Variants in DYRK1A observed in about 807,000 individuals in gnomAD.
DYRK1A encodes the protein dual specificity tyrosine-phosphorylation-regulated kinase 1A.
In DYRK1A, 9 loss-of-function variants were observed where a neutral mutation model predicts 79.7. The ratio of observed to expected loss-of-function variants is 0.11; its 90% CI spans 0.07 to 0.20. DYRK1A has a LOEUF of 0.20. DYRK1A is among the 10% of genes least tolerant of loss of function. The pLI, the probability that DYRK1A is intolerant of heterozygous loss-of-function variation, is 1.00. For synonymous variants in DYRK1A, 349 were observed against 329.7 expected (o/e 1.06, Z -0.63); for missense variants, 622 against 956.0 (o/e 0.65, Z 4.61).
chr21:37,516,601 C>T lies in DYRK1A; in HGVS notation c.*4070C>T, dbSNP rs144946333. The T allele has an allele frequency of 6.6e-6, 1 of 152,244 alleles. No individual in the cohort carries two copies. The highest frequency in any genetic ancestry group is 1.5e-5 in the Non-Finnish European group (1 of 68,016). The allele number at this position is 152,244 out of a possible 1,614,324, so 9.4% of individuals were successfully genotyped here. ...ATGCCTACTGGGCTTTCACCCTGGA[C>T]CAGGAATTTTTGACGTATGCCTGTG... On this transcript the variant is annotated 3_prime_UTR_variant, in exon 12 of 12. Coordinates refer to ENST00000647188, the MANE Select transcript of DYRK1A (RefSeq NM_001347721.2).
chr21:37,482,361 C>T (rs1245110743), intron 5 of DYRK1A, among the ~76,000 whole-genome samples: 1 of 152,102 alleles, frequency 6.6e-6, no homozygotes, highest in East Asian at 1.9e-4. Flanking sequence ...TATTTTAAAG[C>T]TGGGCATCTG....
At position 37,416,956 on chromosome 21, in the gene DYRK1A, T is replaced by C. The variant is rs143563428; in HGVS notation, c.-76-3343T>C. Among the ~76,000 whole-genome samples, 707 of 152,310 alleles carry C rather than the reference T, an allele frequency of 4.6e-3. 4 individuals are homozygous for C. The highest frequency in any genetic ancestry group is 8.3e-3 in the Non-Finnish European group (563 of 68,028). On this transcript the variant is annotated intron_variant, in intron 1 of 11. Transcript: ENST00000647188. ...ACTTAACTAGTACTTTTGAAGCTCC[T>C]TGTATCATACTGATTTTTTTTCATC...
At chr21:37,485,602 A>T (rs2835766) in intron 5 of DYRK1A, among the ~76,000 whole-genome samples, 44,799 of 152,080 alleles carry the variant, frequency 0.29, 6,753 homozygotes, top group South Asian at 0.4. Context: ...TAGAAAATGT[A>T]TCTAAAAGAA....
chr21:37,460,026 A>T (rs940746455), intron 2 of DYRK1A, among the ~76,000 whole-genome samples: 35 of 152,178 alleles, frequency 2.3e-4, no homozygotes, highest in African/African-American at 7.7e-4. Flanking sequence ...ATTTGCTCAA[A>T]CTTAAACATG....
At chr21:37,440,288 A>T (rs1475645077) in intron 2 of DYRK1A, among the ~76,000 whole-genome samples, 2 of 151,122 alleles carry the variant, frequency 1.3e-5, no homozygotes, top group African/African-American at 4.9e-5. Flanking sequence ...GTTGTGTGCC[A>T]CTACGTCTGG....
At chr21:37,396,578 C>T (rs754082326) in intron 1 of DYRK1A, among the ~76,000 whole-genome samples, 5 of 151,148 alleles carry the variant, frequency 3.3e-5, no homozygotes, top group Non-Finnish European at 7.4e-5. Context: ...GAATCTAGTC[C>T]GTAGCGTAAT....
At chr21:37,366,513 C>T (rs1486482235), upstream of DYRK1A, among the ~76,000 whole-genome samples, 1 of 149,842 alleles carries the variant, frequency 6.7e-6, no homozygotes, top group Non-Finnish European at 1.5e-5. Context: ...GCCTAGCCGT[C>T]CCCCTCCTCT....
intron 1 of DYRK1A, among the ~76,000 whole-genome samples, chr21:37,368,299 A>G (rs886098439): frequency 3.9e-5 from 6 of 152,220 alleles, no homozygotes; most frequent in African/African-American, 1.4e-4. Context: ...GTGAATTAGA[A>G]TAGATACCTG....
intron 9 of DYRK1A, among the ~76,000 whole-genome samples, chr21:37,497,534 G>A (rs1380992438): frequency 2.0e-5 from 3 of 152,234 alleles, no homozygotes; most frequent in East Asian, 1.9e-4. Flanking sequence ...ATTTAAAGGC[G>A]TTCCTACCAG....
chr21:37,376,826 T>A (rs1320169315), intron 1 of DYRK1A, among the ~76,000 whole-genome samples: 1 of 152,120 alleles, frequency 6.6e-6, no homozygotes, highest in Non-Finnish European at 1.5e-5. Context: ...GTATATAGTT[T>A]AAAAAAACAA....
At chr21:37,484,103 G>T (rs1483794130) in intron 5 of DYRK1A, among the ~76,000 whole-genome samples, 2 of 152,276 alleles carry the variant, frequency 1.3e-5, no homozygotes, top group South Asian at 2.1e-4. Context: ...TCTCAAAGGA[G>T]CTCAAACCCA....
At chr21:37,424,931 AAAAT>A (rs907201647) in intron 2 of DYRK1A, among the ~76,000 whole-genome samples, 9 of 152,318 alleles carry the variant, frequency 5.9e-5, no homozygotes, top group African/African-American at 2.2e-4. Flanking sequence ...TATTATAGTT[AAAAT>A]AAATCTTCAA....
Position 37,476,822 on chromosome 21 carries a change from C to G in DYRK1A, c.208-1386C>G, listed in dbSNP as rs921123646. ...AATAGTATAATCACCAAGGGTTCCC[C>G]CCCCCCCCAACCTTATTTGGAATTA... On this transcript the variant is annotated intron_variant, in intron 3 of 11. Coordinates refer to ENST00000647188, the MANE Select transcript of DYRK1A (RefSeq NM_001347721.2). 1.5e-4 allele frequency among the ~76,000 whole-genome samples: 5 copies of G among 33,322 alleles called. No individual in the cohort carries two copies. The South Asian group carries it at 3.9e-3, about 26-fold the overall frequency. 21.9% of individuals were successfully genotyped at this position (33,322 alleles called of 152,430 possible).
At chr21:37,388,324 T>C (rs996672339) in intron 1 of DYRK1A, among the ~76,000 whole-genome samples, 1 of 151,876 alleles carries the variant, frequency 6.6e-6, no homozygotes, top group African/African-American at 2.4e-5. Flanking sequence ...GCTCAAGCAG[T>C]CCACCCACCT....
chr21:37,376,094 C>G (rs2049534031), intron 1 of DYRK1A, among the ~76,000 whole-genome samples: 1 of 152,038 alleles, frequency 6.6e-6, no homozygotes, highest in South Asian at 2.1e-4. Context: ...TGGGAGTGGT[C>G]AAAGGGGAGA....
At chr21:37,511,251 A>C (rs2053740698) in intron 11 of DYRK1A, among the ~76,000 whole-genome samples, 1 of 152,216 alleles carries the variant, frequency 6.6e-6, no homozygotes, top group Non-Finnish European at 1.5e-5. Flanking sequence ...TGTTTTTCTA[A>C]GTGCAGTGAG....
chr21:37,446,825 T>A (rs1374936612), intron 2 of DYRK1A, among the ~76,000 whole-genome samples: 2 of 152,158 alleles, frequency 1.3e-5, no homozygotes, highest in African/African-American at 2.4e-5. Flanking sequence ...ACGCAAGAGA[T>A]CTTGTTCTGC....
chr21:37,480,521 T>G (rs1316919929), intron 4 of DYRK1A, 117 bp from the exon 5 acceptor site: 1 of 756,338 alleles, frequency 1.3e-6, no homozygotes, highest in African/African-American at 1.8e-5. Flanking sequence ...TAGATCAGTA[T>G]TATTTTCTAA....
chr21:37,414,147 C>G (rs1469719069), intron 1 of DYRK1A, among the ~76,000 whole-genome samples: 1 of 152,030 alleles, frequency 6.6e-6, no homozygotes, highest in Non-Finnish European at 1.5e-5. Context: ...TAGGTTGGTG[C>G]AAAGGTAATA....
Sources: allele counts gnomAD v4.1 joint callset (sites outside exome capture counted in the v4.1 genomes callset), GRCh38; gene constraint gnomAD v4.1.1; transcripts MANE v1.5; gene names NCBI Gene and HGNC (gene_info 2026-07-23, HGNC 2026-07-21).